Variants in ALS2 observed in about 807,000 individuals in gnomAD.
ALS2 encodes alsin.
ALS2 carries 117 observed loss-of-function variants against 203.4 expected under a neutral mutation model. That is an observed-to-expected ratio of 0.58 (90% CI 0.50 to 0.67). The LOEUF (loss-of-function observed/expected upper bound fraction) is 0.67. Ranked by LOEUF, ALS2 falls within the 30% of genes least tolerant of loss-of-function variation. The pLI, the probability that ALS2 is intolerant of heterozygous loss-of-function variation, is 0.00. For synonymous variants in ALS2, 718 were observed against 725.9 expected, an observed-to-expected ratio of 0.99 and a Z score of 0.17; for missense variants, 1,715 against 1,989.4, an observed-to-expected ratio of 0.86 and a Z score of 2.62.
intron 28 of ALS2, among the ~76,000 whole-genome samples, 164 bp from the exon 29 acceptor site, chr2:201,707,186 A>G (rs1258554391): frequency 1.3e-5 from 2 of 152,224 alleles, no homozygotes; most frequent in Non-Finnish European, 2.9e-5. Flanking sequence ...ATATGAGGAC[A>G]TTATCTATAA....
At chr2:201,725,485 A>T in intron 19 of ALS2, 31 bp from the exon 20 acceptor site, 1 of 1,543,686 alleles carries the variant, frequency 6.5e-7, no homozygotes, top group Non-Finnish European at 9.0e-7. Flanking sequence ...TAACAAAAGA[A>T]GATGCATTTA....
At chr2:201,737,115 T>C (rs963473840) in intron 12 of ALS2, among the ~76,000 whole-genome samples, 32 of 152,174 alleles carry the variant, frequency 2.1e-4, no homozygotes, top group African/African-American at 1.7e-4. Flanking sequence ...AAATATTTCA[T>C]AAAAAAATTA....
chr2:201,727,212 C>G lies in ALS2; in HGVS notation c.2979G>C (p.Lys993Asn). The change falls in exon 17 of 34, where the codon AAG becomes AAC. Residue 993 changes from lysine to asparagine, a missense_variant and splice_region_variant. By Grantham distance (94) the Lys-to-Asn change is moderately conservative. Coordinates refer to ENST00000264276, the MANE Select transcript of ALS2 (RefSeq NM_020919.4). ...FTLISSTPQE[K>N]TKWLRAISQA... ...AAGGAAAATACCATAATAGACTAAC[C>G]TTTTCCTGGGGTGTAGATGAAATGA... The G allele has an allele frequency of 6.2e-7, 1 of 1,611,766 alleles. No individual in the cohort carries two copies. The highest frequency in any genetic ancestry group is 8.5e-7 in the Non-Finnish European group (1 of 1,177,858).
intron 13 of ALS2, among the ~76,000 whole-genome samples, chr2:201,730,176 G>A (rs764742787): frequency 5.3e-5 from 8 of 152,170 alleles, no homozygotes; most frequent in Non-Finnish European, 7.3e-5. Flanking sequence ...AAAGGGAGCT[G>A]CAATGTAGAA....
intron 33 of ALS2, among the ~76,000 whole-genome samples, chr2:201,703,053 T>G (rs1298407388): frequency 6.6e-6 from 1 of 152,032 alleles, no homozygotes; most frequent in African/African-American, 2.4e-5. Context: ...GAAGTGGAGG[T>G]TGCAGTGAGT....
intron 12 of ALS2, among the ~76,000 whole-genome samples, chr2:201,738,339 T>G (rs925275959): frequency 6.6e-6 from 1 of 152,122 alleles, no homozygotes; most frequent in African/African-American, 2.4e-5. Context: ...CATTATTTGT[T>G]CCTCTCCAAT....
chr2:201,739,010 G>A (rs759033589), intron 11 of ALS2, among the ~76,000 whole-genome samples: 5 of 151,472 alleles, frequency 3.3e-5, no homozygotes, highest in African/African-American at 9.7e-5. Flanking sequence ...AGGCTAAGGC[G>A]GGAGGATCGC....
intron 4 of ALS2, among the ~76,000 whole-genome samples, chr2:201,759,113 G>A (rs1388097600): frequency 6.6e-6 from 1 of 151,952 alleles, no homozygotes; most frequent in African/African-American, 2.4e-5. Flanking sequence ...ACTATTTTAG[G>A]GGGTTCTTAA....
In ALS2 at chr2:201,709,853, C is replaced by G. The variant is rs908672945; in HGVS notation, c.4280+28G>C. 8 of 1,613,404 alleles carry G rather than the reference C, an allele frequency of 5.0e-6. No individual in the cohort carries two copies. The African/African-American group carries it at 9.3e-5, about 19-fold the overall frequency. On this transcript the variant is annotated intron_variant, in intron 27 of 33. Coordinates refer to ENST00000264276, the MANE Select transcript of ALS2 (RefSeq NM_020919.4). ...TGGTATAAAATAGTATTCCATAGCC[C>G]GCAGACTTTAGTGAAAAGCTCTCTT...
At chr2:201,771,085 C>T (rs1299832098) in intron 1 of ALS2, among the ~76,000 whole-genome samples, 3 of 135,558 alleles carry the variant, frequency 2.2e-5, no homozygotes, top group Admixed American at 7.7e-5. Context: ...TTGCTCTTGT[C>T]ACCCAGGCTG....
At chr2:201,761,895 G>T in intron 3 of ALS2, 77 bp from the exon 4 acceptor site, 1 of 1,481,788 alleles carries the variant, frequency 6.7e-7, no homozygotes, top group Non-Finnish European at 9.2e-7. Flanking sequence ...CAAACTTTTA[G>T]TCCCCTATAG....
intron 21 of ALS2, 144 bp downstream of exon 21, chr2:201,724,146 TAAAAG>T: frequency 3.7e-6 from 3 of 807,288 alleles, no homozygotes; most frequent in South Asian, 3.1e-5. Context: ...GGGTTTGTCA[TAAAAG>T]AAGGTTCATT....
chr2:201,714,044 G>A (rs1188749447), intron 25 of ALS2, among the ~76,000 whole-genome samples: 1 of 152,208 alleles, frequency 6.6e-6, no homozygotes, highest in Non-Finnish European at 1.5e-5. Flanking sequence ...CACTTTGTGA[G>A]ACCGAGGCAG....
rs1265756790 is a variant in ALS2, at chr2:201,767,383, G to A, written c.21C>T (p.Ser7=). The A allele has an allele frequency of 6.2e-7, 1 of 1,613,982 alleles. No homozygotes were observed. The highest frequency in any genetic ancestry group is 8.5e-7 in the Non-Finnish European group (1 of 1,179,944). MDSKKR[S]STEAEGSKER... ...CCTTGGATCCTTCTGCCTCTGTTGA[G>A]CTAAAACATCAAGAAACATAGCTTA... Residue 7 remains serine, a splice_region_variant and synonymous_variant, in exon 3 of 34, where the codon AGC becomes AGT. Transcript: ENST00000264276.
chr2:201,767,139 T>C, intron 3 of ALS2, 90 bp downstream of exon 3: 1 of 1,471,490 alleles, frequency 6.8e-7, no homozygotes, highest in African/African-American at 1.4e-5. Flanking sequence ...AAAGAACCCC[T>C]AGTATCCAAT....
chr2:201,700,350 T>C lies in ALS2; in HGVS notation c.*1501A>G, dbSNP rs1689312301. ...TGGGTTATTGGGGTCAGAAAGTTAA[T>C]TTGCTCTTTGCTAGAAAGGGTGCTA... On this transcript the variant is annotated 3_prime_UTR_variant, in exon 34 of 34. Transcript: ENST00000264276. 2.0e-5 allele frequency among the ~76,000 whole-genome samples: 3 copies of C among 152,236 alleles called. No individual in the cohort carries two copies. The highest frequency in any genetic ancestry group is 3.9e-4 in the East Asian group (2 of 5,194).
At position 201,760,098 on chromosome 2, in the gene ALS2, G is replaced by A. The variant is rs1027340723; in HGVS notation, c.1113+783C>T. The A allele has an allele frequency of 7.3e-6, 6 of 823,890 alleles. No homozygotes were observed. The African/African-American group carries it at 1.1e-4, about 15-fold the overall frequency. The allele number at this position is 823,890 out of a possible 1,614,324, so 51.0% of individuals were successfully genotyped here. A position where few individuals can be genotyped will look rare whatever the true frequency, so the allele number is the denominator to read the frequency against. ...AACACTTTGGGAGGCTGAGGTGGGA[G>A]GATTGCTTGAGCTCAGGAGTTTGAG... is the stretch of plus-strand genomic sequence containing the variant. On this transcript the variant is annotated intron_variant, in intron 4 of 33. Transcript: ENST00000264276.
intron 1 of ALS2, among the ~76,000 whole-genome samples, chr2:201,776,891 T>TA (rs575753461): frequency 1.2e-3 from 179 of 152,338 alleles, no homozygotes; most frequent in African/African-American, 4.2e-3. Flanking sequence ...ATACTGAGGT[T>TA]ACATTAGGGA....
At chr2:201,748,703 A>G (rs1419809402) in intron 8 of ALS2, among the ~76,000 whole-genome samples, 3 of 152,252 alleles carry the variant, frequency 2.0e-5, no homozygotes, top group Non-Finnish European at 4.4e-5. Flanking sequence ...ACGATGTTTT[A>G]TACTGAAAAC....
Sources: allele counts gnomAD v4.1 joint callset (sites outside exome capture counted in the v4.1 genomes callset), GRCh38; gene constraint gnomAD v4.1.1; transcripts MANE v1.5; gene names NCBI Gene and HGNC (gene_info 2026-07-23, HGNC 2026-07-21).